SCGN: variants seen among roughly 807,000 people sequenced by gnomAD.
SCGN encodes secretagogin, EF-hand calcium binding protein.
Under a neutral mutation model 39.7 loss-of-function variants are expected in SCGN, and 30 were observed. That is an observed-to-expected ratio of 0.76 (90% CI 0.57 to 1.03). The LOEUF (loss-of-function observed/expected upper bound fraction) is 1.03. Ranked by LOEUF, SCGN falls within the 50% of genes least tolerant of loss-of-function variation. The pLI, the probability that SCGN is intolerant of heterozygous loss-of-function variation, is 0.00. For missense variants in SCGN, 353 were observed against 349.4 expected (o/e 1.01, Z -0.08); for synonymous variants, 106 against 114.1 (o/e 0.93, Z 0.45).
chr6:25,679,372 A>G (rs1488757166), intron 6 of SCGN, among the ~76,000 whole-genome samples: 1 of 152,182 alleles, frequency 6.6e-6, no homozygotes, highest in Non-Finnish European at 1.5e-5. Flanking sequence ...GGCAGTGAAC[A>G]TTTGGTTTCA....
chr6:25,683,957 G>A (rs1040161077), intron 7 of SCGN, among the ~76,000 whole-genome samples: 1 of 152,152 alleles, frequency 6.6e-6, no homozygotes, highest in African/African-American at 2.4e-5. Flanking sequence ...TTACAGTCAC[G>A]ATTGCCCCCT....
chr6:25,684,332 T>C (rs941315022), intron 7 of SCGN, among the ~76,000 whole-genome samples: 6 of 152,162 alleles, frequency 3.9e-5, no homozygotes, highest in Non-Finnish European at 7.3e-5. Flanking sequence ...CTAAGTATCC[T>C]CTGGGGATTG....
At chr6:25,679,439 A>G (rs904215144) in intron 6 of SCGN, among the ~76,000 whole-genome samples, 2 of 152,118 alleles carry the variant, frequency 1.3e-5, no homozygotes, top group African/African-American at 4.8e-5. Context: ...CAGCCAGGGT[A>G]AATGAGCACC....
At position 25,681,979 on chromosome 6, in the gene SCGN, G is replaced by T. The variant is rs1759642684; in HGVS notation, c.500G>T (p.Gly167Val). Residue 167 changes from glycine (G) to valine (V), a missense_variant, in exon 7 of 11, where the codon GGT (glycine) becomes GTT (valine). Transcript: ENST00000377961. ...AAGATTTTTGACAGAAATAAAGATG[G>T]TCGGTTGGATCTAAATGACTTAGCA... ...MMKIFDRNKD[G>V]RLDLNDLARI... 1 of 1,613,592 alleles carries T rather than the reference G, an allele frequency of 6.2e-7. No individual in the cohort carries two copies.
chr6:25,683,284 A>C (rs1759661602), intron 7 of SCGN, among the ~76,000 whole-genome samples: 1 of 152,182 alleles, frequency 6.6e-6, no homozygotes, highest in Non-Finnish European at 1.5e-5. Context: ...AGCTATGTGA[A>C]AGAGCCAATC....
chr6:25,677,037 A>G (rs1176151783), intron 6 of SCGN, among the ~76,000 whole-genome samples: 1 of 151,364 alleles, frequency 6.6e-6, no homozygotes, highest in Non-Finnish European at 1.5e-5. Context: ...CCACTCCCAG[A>G]ACACCTCTTG....
intron 4 of SCGN, among the ~76,000 whole-genome samples, chr6:25,669,248 G>T (rs534944523): frequency 1.3e-5 from 2 of 152,138 alleles, no homozygotes; most frequent in African/African-American, 4.8e-5. Context: ...TTTCCAAAAG[G>T]ACACTTTTGA....
At position 25,689,487 on chromosome 6, in the gene SCGN, AG is replaced by A; in HGVS notation, c.589del (p.Glu197LysfsTer33). On this transcript the variant is annotated frameshift_variant, in exon 9 of 11. Transcript: ENST00000377961. LOFTEE classifies it high-confidence loss of function. ...QFKMDACSTE[E>X]RKRDFEKIFA... ...TCCTTACACAGGCTTGTTCTACTGA[AG>A]AAAGGAAAAGGGACTTTGAGAAAAT... The A allele has an allele frequency of 1.9e-6, 3 of 1,613,640 alleles. No individual in the cohort carries two copies.
At chr6:25,672,737 C>T (rs954506141) in intron 6 of SCGN, among the ~76,000 whole-genome samples, 5 of 152,094 alleles carry the variant, frequency 3.3e-5, no homozygotes, top group African/African-American at 1.2e-4. Context: ...CAAGATTTGC[C>T]CCCTGGGTTG....
At chr6:25,673,974 A>AAGAG (rs371152942) in intron 6 of SCGN, among the ~76,000 whole-genome samples, 3 of 150,676 alleles carry the variant, frequency 2.0e-5, no homozygotes, top group African/African-American at 7.4e-5. Flanking sequence ...AAGCAGGAAC[A>AAGAG]AGAGAGAGAG....
At chr6:25,687,868 T>G (rs1010987217) in intron 7 of SCGN, among the ~76,000 whole-genome samples, 1 of 152,198 alleles carries the variant, frequency 6.6e-6, no homozygotes, top group African/African-American at 2.4e-5. Flanking sequence ...TGAGTTATTT[T>G]CTTAGTGGTT....
intron 6 of SCGN, among the ~76,000 whole-genome samples, chr6:25,675,594 C>T (rs188650529): frequency 2.3e-4 from 35 of 152,332 alleles, no homozygotes; most frequent in African/African-American, 6.0e-4. Context: ...TGTTTCAACC[C>T]GAGGTCACTC....
chr6:25,696,844 A>T (rs1454515639), intron 10 of SCGN, among the ~76,000 whole-genome samples: 1 of 152,218 alleles, frequency 6.6e-6, no homozygotes, highest in African/African-American at 2.4e-5. Context: ...TCGCATTATT[A>T]TGTTAGGGAC....
At chr6:25,672,871 A>G (rs1344573203) in intron 6 of SCGN, among the ~76,000 whole-genome samples, 2 of 152,144 alleles carry the variant, frequency 1.3e-5, no homozygotes, top group East Asian at 3.9e-4. Context: ...TGAGAACTAA[A>G]TATATTTTGA....
At chr6:25,658,184 C>T (rs931257588) in intron 2 of SCGN, among the ~76,000 whole-genome samples, 2 of 151,038 alleles carry the variant, frequency 1.3e-5, no homozygotes, top group Non-Finnish European at 3.0e-5. Flanking sequence ...GGACTACAGG[C>T]ACGTGCCACC....
Position 25,652,367 on chromosome 6 carries a change from C to G in SCGN, c.-37C>G. The G allele has an allele frequency of 6.3e-7, 1 of 1,582,842 alleles. No individual in the cohort carries two copies. The highest frequency in any genetic ancestry group is 8.7e-7 in the Non-Finnish European group (1 of 1,151,756). The stretch of plus-strand genomic sequence containing the variant: ...GAGTCCTTCCCAAAGTTGTCTAGGT[C>G]CTTCCGCGCCGGTGCCTGGTCTTCG... On this transcript the variant is annotated 5_prime_UTR_variant, in exon 1 of 11. Transcript: ENST00000377961.
At chr6:25,678,774 A>G (rs369864332) in intron 6 of SCGN, 1 of 152,178 alleles carries the variant, frequency 6.6e-6, no homozygotes, top group East Asian at 1.9e-4. Context: ...GGCTGGCTAC[A>G]TGCACTGTTG....
chr6:25,692,551 G>T (rs1190970091), intron 10 of SCGN, among the ~76,000 whole-genome samples: 2 of 152,196 alleles, frequency 1.3e-5, no homozygotes, highest in Non-Finnish European at 2.9e-5. Context: ...TGAGCAGTCA[G>T]TCATTAACCA....
At chr6:25,656,823 C>T (rs1170412520) in intron 2 of SCGN, among the ~76,000 whole-genome samples, 1 of 152,194 alleles carries the variant, frequency 6.6e-6, no homozygotes, top group Non-Finnish European at 1.5e-5. Flanking sequence ...GCCACTGTTA[C>T]TTTGACTTCA....
Sources: gnomAD v4.1 joint callset for allele counts (sites outside exome capture counted in the v4.1 genomes callset) on GRCh38, gnomAD v4.1.1 for gene constraint, MANE v1.5 for transcripts, NCBI Gene and HGNC (gene_info 2026-07-23, HGNC 2026-07-21) for gene names.